The following ZMYM2 variants were observed in gnomAD, a reference collection of about 807,000 sequenced individuals.
The protein encoded by ZMYM2 is zinc finger MYM-type containing 2, also known as zinc finger MYM-type protein 2.
ZMYM2 carries 56 observed loss-of-function variants against 162.8 expected under a neutral mutation model. That is an observed-to-expected ratio of 0.34 (90% CI 0.28 to 0.43). The LOEUF (loss-of-function observed/expected upper bound fraction) is 0.43. ZMYM2 is among the 20% of genes least tolerant of loss of function. The pLI is 1.00. For missense variants in ZMYM2, 1,275 were observed against 1,621.8 expected (o/e 0.79, Z 3.67); for synonymous variants, 510 against 541.6 (o/e 0.94, Z 0.81).
chr13:19,893,667 G>A, the ZMYM2 span, among the ~76,000 whole-genome samples: 1 of 151,810 alleles, frequency 6.6e-6, no homozygotes, highest in Non-Finnish European at 1.5e-5. Context: ...TTGAACCTGG[G>A]AGACGGAGGT....
chr13:19,876,732 C>T, the ZMYM2 span, among the ~76,000 whole-genome samples: 2 of 152,188 alleles, frequency 1.3e-5, no homozygotes, highest in African/African-American at 4.8e-5. Flanking sequence ...GTGTAACCAT[C>T]ACCATCACCC....
the ZMYM2 span, among the ~76,000 whole-genome samples, chr13:19,914,739 A>T: frequency 6.6e-6 from 1 of 152,190 alleles, no homozygotes; most frequent in Non-Finnish European, 1.5e-5. Flanking sequence ...TTTACAGCAG[A>T]TGAAGAGTGG....
Position 19,993,911 on chromosome 13 carries a change from A to T in ZMYM2, c.839A>T (p.His280Leu), listed in dbSNP as rs757842076. Residue 280 changes from histidine to leucine, a missense_variant, in exon 3 of 25, where the codon CAT becomes CTT. His to Leu is a moderately conservative substitution (Grantham distance 99). This residue lies in a region of ZMYM2 where 115 missense variants were observed against 175.3 expected (regional missense o/e 0.66). Transcript: ENST00000610343. ...VFQNGESATH[H>L]NPDSWISQSA... ...CAGAATGGAGAATCTGCAACTCATC[A>T]TAATCCTGGTAAGCAGTAAGAGATA... The T allele has an allele frequency of 6.2e-7, 1 of 1,610,456 alleles. No homozygotes were observed. Among genetic ancestry groups the T allele is most frequent in the South Asian group, 1.1e-5 (1 of 90,290 alleles).
chr13:20,052,422 GC>G, intron 14 of ZMYM2, 111 bp downstream of exon 14: 1 of 828,310 alleles, frequency 1.2e-6, no homozygotes, highest in Non-Finnish European at 1.8e-6. Context: ...TTTTTTTTTT[GC>G]TTTACTGAGA....
At position 20,031,388 on chromosome 13, in the gene ZMYM2, T is replaced by C; in HGVS notation, c.1921T>C (p.Tyr641His). Residue 641 changes from tyrosine (Y) to histidine (H), a missense_variant, in exon 10 of 25, where the codon TAC becomes CAC. Coordinates refer to ENST00000610343, the MANE Select transcript of ZMYM2 (RefSeq NM_197968.4). ...APSDIQLKCN[Y>H]CKNSFCSKPE... ...AAGTGATATTCAGTTGAAATGCAAC[T>C]ACTGCAAAAATTCCTTTTGTTCAAA... 1 of 1,607,026 alleles carries C rather than the reference T, an allele frequency of 6.2e-7. No individual in the cohort carries two copies. The highest frequency in any genetic ancestry group is 8.5e-7 in the Non-Finnish European group (1 of 1,177,960).
In ZMYM2 at chr13:20,026,441, C is replaced by T. The variant is rs577020070; in HGVS notation, c.1585-171C>T. 9 of 530,420 alleles carry T rather than the reference C, an allele frequency of 1.7e-5. No individual in the cohort carries two copies. In the East Asian group the frequency reaches 2.3e-4, roughly 13 times the overall value. 32.9% of individuals were successfully genotyped at this position (530,420 alleles called of 1,614,324 possible). ...GATCATTGCTTTGTTTGGACCTTAG[C>T]AGTTGTTGCATAGTTAATAGTTTGT... is the stretch of plus-strand genomic sequence containing the variant. On this transcript the variant is annotated intron_variant, in intron 7 of 24. Coordinates refer to ENST00000610343, the MANE Select transcript of ZMYM2 (RefSeq NM_197968.4).
the ZMYM2 span, among the ~76,000 whole-genome samples, chr13:19,934,065 C>T: frequency 6.6e-6 from 1 of 152,094 alleles, no homozygotes; most frequent in Non-Finnish European, 1.5e-5. Flanking sequence ...CCACTTTTCC[C>T]GCTTTCTATA....
At position 20,061,159 on chromosome 13, in the gene ZMYM2, A is replaced by G. The variant is rs1236932933; in HGVS notation, c.2846A>G (p.Glu949Gly). Residue 949 changes from glutamate to glycine, a missense_variant, in exon 17 of 25, where the codon GAG becomes GGG. Transcript: ENST00000610343. ...GTTTCTTCAGATGCTCTTGATACAG[A>G]GTTGCTTACAATGACGGATATGATG... ...SKVSSDALDT[E>G]LLTMTDMMSE... is the part of the protein sequence containing the mutation. The G allele has an allele frequency of 6.2e-7, 1 of 1,613,670 alleles. No individual in the cohort carries two copies. Among genetic ancestry groups the G allele is most frequent in the Non-Finnish European group, 8.5e-7 (1 of 1,179,814 alleles).
chr13:19,871,983 A>AT, the ZMYM2 span, among the ~76,000 whole-genome samples: 6 of 151,956 alleles, frequency 3.9e-5, no homozygotes, highest in South Asian at 8.3e-4. Context: ...TTTTATTTTT[A>AT]TTTTTTGAGA....
chr13:20,000,726 A>C (rs1421597611), intron 3 of ZMYM2, among the ~76,000 whole-genome samples: 2 of 152,242 alleles, frequency 1.3e-5, no homozygotes, highest in Non-Finnish European at 2.9e-5. Context: ...GGAGATGTAC[A>C]AGGAGATGAG....
At chr13:19,975,021 T>C (rs1035693391) in intron 2 of ZMYM2, among the ~76,000 whole-genome samples, 2 of 150,116 alleles carry the variant, frequency 1.3e-5, no homozygotes, top group Admixed American at 6.6e-5. Flanking sequence ...GTGTGAACTG[T>C]TTATTTTTTG....
the ZMYM2 span, among the ~76,000 whole-genome samples, chr13:19,917,003 C>G: frequency 6.6e-6 from 1 of 152,144 alleles, no homozygotes; most frequent in Non-Finnish European, 1.5e-5. Flanking sequence ...CGCTCTGTCG[C>G]CCAGGTTGGA....
rs1003606198 is a variant in ZMYM2 at position 20,006,137 on chromosome 13, G to A, written c.1300-237G>A. On this transcript the variant is annotated intron_variant, in intron 5 of 24. Transcript: ENST00000610343. ...AGTCTCAGCTACTCGGGAGGCTGAG[G>A]TAGGAGGATTGCTTGAGCCCAGGGG... 6.6e-5 allele frequency among the ~76,000 whole-genome samples: 10 copies of A among 152,070 alleles called. No homozygotes were observed. In the East Asian group the frequency reaches 1.7e-3, roughly 26 times the overall value.
Position 20,058,719 on chromosome 13 carries a change from T to G in ZMYM2, c.2623+15T>G. The G allele has an allele frequency of 6.2e-7, 1 of 1,612,652 alleles. No individual in the cohort carries two copies. The highest frequency in any genetic ancestry group is 8.5e-7 in the Non-Finnish European group (1 of 1,179,296). On this transcript the variant is annotated intron_variant, in intron 15 of 24. Coordinates refer to ENST00000610343, the MANE Select transcript of ZMYM2 (RefSeq NM_197968.4). ...TTGTCAGACAGGTAACTTAGGACAA[T>G]GTGACTTACATACTTCCCCATACCT...
At chr13:20,046,274 C>T (rs901264551) in intron 12 of ZMYM2, among the ~76,000 whole-genome samples, 2 of 151,394 alleles carry the variant, frequency 1.3e-5, no homozygotes, top group East Asian at 1.9e-4. Context: ...TTACTGAGAG[C>T]GGTGGCTCAC....
chr13:20,023,910 A>G (rs1952338474), intron 7 of ZMYM2, among the ~76,000 whole-genome samples: 1 of 151,320 alleles, frequency 6.6e-6, no homozygotes, highest in South Asian at 2.1e-4. Flanking sequence ...TGTCATTCTG[A>G]TAGTACTTTC....
chr13:19,955,303 T>C (rs552384788), upstream of ZMYM2, among the ~76,000 whole-genome samples: 4 of 152,142 alleles, frequency 2.6e-5, no homozygotes, highest in Non-Finnish European at 5.9e-5. Context: ...AGGTCTATAT[T>C]AAGTGAGGTG....
intron 6 of ZMYM2, among the ~76,000 whole-genome samples, chr13:20,007,147 T>C (rs1950805819): frequency 1.3e-5 from 2 of 152,212 alleles, no homozygotes; most frequent in African/African-American, 2.4e-5. Context: ...TTATCATTTT[T>C]TTTTTGAGAC....
intron 9 of ZMYM2, among the ~76,000 whole-genome samples, chr13:20,030,374 G>A (rs1337660633): frequency 1.3e-5 from 2 of 150,296 alleles, no homozygotes; most frequent in Non-Finnish European, 3.0e-5. Flanking sequence ...TGGGATTACA[G>A]GCGTGCGCCA....
Sources: allele counts gnomAD v4.1 joint callset (sites outside exome capture counted in the v4.1 genomes callset), GRCh38; gene constraint gnomAD v4.1.1; regional missense constraint gnomAD v4.1.1; transcripts MANE v1.5; gene names NCBI Gene and HGNC (gene_info 2026-07-23, HGNC 2026-07-21).